Variants in ANKRD30B observed in about 807,000 individuals in gnomAD.
ANKRD30B encodes the protein ankyrin repeat domain-containing protein 30B.
ANKRD30B carries 144 observed loss-of-function variants against 202.2 expected under a neutral mutation model. The ratio of observed to expected loss-of-function variants is 0.71; its 90% CI spans 0.62 to 0.82. The LOEUF (loss-of-function observed/expected upper bound fraction) is 0.82. Ranked by LOEUF, ANKRD30B falls within the 40% of genes least tolerant of loss-of-function variation. ANKRD30B has a pLI of 0.00. For missense variants in ANKRD30B, 1,487 were observed against 1,669.1 expected (o/e 0.89, Z 1.90); for synonymous variants, 508 against 561.3 (o/e 0.91, Z 1.34).
Position 14,810,107 on chromosome 18 carries a change from G to A in ANKRD30B, c.2416-1G>A, listed in dbSNP as rs776489396. ...ATTTTTGTGTTTCCAAACCCATTTAGCCTACCTGTGTAAGGAAAGTTTCTC... is the reference window on the plus strand; with the variant it reads ...ATTTTTGTGTTTCCAAACCCATTTAACCTACCTGTGTAAGGAAAGTTTCTC... On this transcript the variant is annotated splice_acceptor_variant, in intron 27 of 43. Transcript: ENST00000690538. LOFTEE classifies it high-confidence loss of function. 6.7e-7 allele frequency: 1 copy of A among 1,497,048 alleles called. No individual in the cohort carries two copies. Among genetic ancestry groups the A allele is most frequent in the Non-Finnish European group, 9.1e-7 (1 of 1,099,150 alleles). The allele number at this position is 1,497,048 out of a possible 1,614,324, so 92.7% of individuals were successfully genotyped here. A position where few individuals can be genotyped will look rare whatever the true frequency, so the allele number is the denominator to read the frequency against.
chr18:14,884,276 T>A, the ANKRD30B span, among the ~76,000 whole-genome samples: 3 of 149,682 alleles, frequency 2.0e-5, no homozygotes, highest in African/African-American at 7.4e-5. Context: ...TAGGTCCTGA[T>A]AACAGCCAGT....
chr18:14,898,684 C>T, the ANKRD30B span, among the ~76,000 whole-genome samples: 1 of 152,100 alleles, frequency 6.6e-6, no homozygotes, highest in Non-Finnish European at 1.5e-5. Flanking sequence ...ATTGATTTAC[C>T]TGTCTGTCAG....
chr18:14,846,768 G>T lies in ANKRD30B; in HGVS notation c.3182-1948G>T, dbSNP rs370387547. Among the ~76,000 whole-genome samples the T allele has an allele frequency of 5.7e-4, 87 of 151,956 alleles. 1 individual carries two copies. The South Asian group carries it at 0.017, about 29-fold the overall frequency. ...CTCAGCCTTCTTTTTTCAAGTGTTA[G>T]TGTGGTATATCTTGTTTCATCTTTA... is the stretch of plus-strand genomic sequence containing the variant. On this transcript the variant is annotated intron_variant, in intron 39 of 43. Transcript: ENST00000690538.
intron 1 of ANKRD30B, among the ~76,000 whole-genome samples, chr18:14,752,158 C>T (rs1010035814): frequency 4.6e-5 from 7 of 152,124 alleles, no homozygotes; most frequent in African/African-American, 9.7e-5. Flanking sequence ...AATTACTTAG[C>T]TGTTACATGT....
the ANKRD30B span, among the ~76,000 whole-genome samples, chr18:14,896,538 A>G: frequency 6.7e-6 from 1 of 149,748 alleles, no homozygotes; most frequent in South Asian, 2.1e-4. Context: ...GTGTAGAGAA[A>G]CTATTTGTAC....
the ANKRD30B span, among the ~76,000 whole-genome samples, chr18:14,893,268 G>A: frequency 6.6e-6 from 1 of 152,114 alleles, no homozygotes; most frequent in Non-Finnish European, 1.5e-5. Context: ...TTGTTCAGTT[G>A]CAGTGTGGGG....
rs934856927 is a variant in ANKRD30B at position 14,837,262 on chromosome 18, A to G, written c.2899A>G (p.Ile967Val). 2.1e-5 allele frequency: 32 copies of G among 1,549,584 alleles called. No homozygotes were observed. The highest frequency in any genetic ancestry group is 2.7e-5 in the Non-Finnish European group (31 of 1,146,016). Reference protein sequence around the residue: ...TGQQERDIGIIERAPQDQTNK... With the variant: ...TGQQERDIGIVERAPQDQTNK... ...ACAACAGGAACGTGATATTGGCATTATTGAACGAGCTCCACAAGATCAAAC... is the reference window on the plus strand; with the variant it reads ...ACAACAGGAACGTGATATTGGCATTGTTGAACGAGCTCCACAAGATCAAAC... The change falls in exon 35 of 44, where the codon ATT (isoleucine) becomes GTT (valine). Residue 967 changes from isoleucine to valine, a missense_variant. This residue lies in a region of ANKRD30B where 218 missense variants were observed against 320.1 expected (regional missense o/e 0.68). Transcript: ENST00000690538.
At chr18:14,919,626 T>G in the ANKRD30B span, among the ~76,000 whole-genome samples, 1 of 152,220 alleles carries the variant, frequency 6.6e-6, no homozygotes. Flanking sequence ...TGAAGTGTTT[T>G]CACTAACTGC....
chr18:14,906,409 GAATAT>G, the ANKRD30B span, among the ~76,000 whole-genome samples: 4 of 151,976 alleles, frequency 2.6e-5, no homozygotes, highest in Non-Finnish European at 5.9e-5. Flanking sequence ...TGTTATAGAT[GAATAT>G]AATATGAGTG....
the ANKRD30B span, among the ~76,000 whole-genome samples, chr18:14,860,198 G>A: frequency 7.0e-6 from 1 of 143,716 alleles, no homozygotes; most frequent in Non-Finnish European, 1.5e-5. Context: ...CCAGATGATG[G>A]GCAGCAGGAG....
At chr18:14,934,948 A>ACC in the ANKRD30B span, among the ~76,000 whole-genome samples, 384 of 126,492 alleles carry the variant, frequency 3.0e-3, 1 homozygote, top group African/African-American at 0.011. Flanking sequence ...ACACACACAC[A>ACC]CCCCATCGTG....
At position 14,815,428 on chromosome 18, in the gene ANKRD30B, G is replaced by A. The variant is rs1217079638; in HGVS notation, c.2641+717G>A. ...CTGCATTTTTAGTAAGTTGTCAGGC[G>A]ATGCTGATGCTGGTGGTCCTTGGAC... On this transcript the variant is annotated intron_variant, in intron 30 of 43. Transcript: ENST00000690538. Among the ~76,000 whole-genome samples the A allele has an allele frequency of 3.9e-5, 6 of 152,094 alleles. No homozygotes were observed. In the East Asian group the frequency reaches 9.7e-4, roughly 24 times the overall value.
At chr18:14,832,512 G>A (rs910061634) in intron 34 of ANKRD30B, among the ~76,000 whole-genome samples, 8 of 152,012 alleles carry the variant, frequency 5.3e-5, no homozygotes, top group Non-Finnish European at 8.8e-5. Context: ...TTAAATAATC[G>A]TTTTGGAGCT....
intron 37 of ANKRD30B, among the ~76,000 whole-genome samples, chr18:14,842,539 C>T (rs1971460557): frequency 6.6e-6 from 1 of 152,098 alleles, no homozygotes; most frequent in Non-Finnish European, 1.5e-5. Context: ...GCGTAGGATT[C>T]TATATTCAGC....
chr18:14,752,760 A>G, intron 2 of ANKRD30B, 79 bp from the exon 3 acceptor site: 2 of 1,540,786 alleles, frequency 1.3e-6, no homozygotes, highest in Non-Finnish European at 1.8e-6. Context: ...GTTGAAATAC[A>G]ACTAGTTTGT....
the ANKRD30B span, among the ~76,000 whole-genome samples, chr18:14,887,283 A>G: frequency 2.6e-5 from 4 of 152,070 alleles, no homozygotes; most frequent in Non-Finnish European, 5.9e-5. Flanking sequence ...TATGTTGGGC[A>G]TTGTGCTCTT....
At chr18:14,856,008 G>C (rs1972097569), downstream of ANKRD30B, among the ~76,000 whole-genome samples, 1 of 144,632 alleles carries the variant, frequency 6.9e-6, no homozygotes, top group Non-Finnish European at 1.5e-5. Context: ...CCCAGACTGG[G>C]CGGCCAGGCA....
intron 8 of ANKRD30B, among the ~76,000 whole-genome samples, chr18:14,771,038 G>C (rs1438478840): frequency 1.3e-5 from 2 of 152,116 alleles, no homozygotes; most frequent in Non-Finnish European, 2.9e-5. Context: ...TATAAAGCAG[G>C]GGTAAGATTG....
rs564302438 is a variant in ANKRD30B, at chr18:14,796,313, A to T, written c.1855-30A>T. Reference sequence around the variant, plus strand: ...ATATTTTAGGAAGCATATATTATGTATTAATTTTTGTGTTTCCAAACCCAT... The same window carrying T: ...ATATTTTAGGAAGCATATATTATGTTTTAATTTTTGTGTTTCCAAACCCAT... On this transcript the variant is annotated intron_variant, in intron 17 of 43. Transcript: ENST00000690538. 1.0e-4 allele frequency: 168 copies of T among 1,608,920 alleles called. 1 individual carries two copies. Among genetic ancestry groups the T allele is most frequent in the Non-Finnish European group, 1.4e-4 (160 of 1,177,240 alleles).
Sources: allele counts gnomAD v4.1 joint callset (sites outside exome capture counted in the v4.1 genomes callset), GRCh38; gene constraint gnomAD v4.1.1; regional missense constraint gnomAD v4.1.1; transcripts MANE v1.5; gene names NCBI Gene and HGNC (gene_info 2026-07-23, HGNC 2026-07-21).